The following CACNG7 variants were observed in gnomAD, a reference collection of about 807,000 sequenced individuals.
CACNG7 encodes calcium voltage-gated channel auxiliary subunit gamma 7, also known as voltage-dependent calcium channel gamma-7 subunit.
CACNG7 carries 9 observed loss-of-function variants against 26.3 expected under a neutral mutation model. The observed-to-expected ratio is 0.34, with a 90% confidence interval of 0.21 to 0.60. The LOEUF (loss-of-function observed/expected upper bound fraction) is 0.60. Ranked by LOEUF, CACNG7 falls within the 20% of genes least tolerant of loss-of-function variation. CACNG7 has a pLI of 0.81. For missense variants in CACNG7, 297 were observed against 380.4 expected, an observed-to-expected ratio of 0.78 and a Z score of 1.82; for synonymous variants, 170 against 157.0, an observed-to-expected ratio of 1.08 and a Z score of -0.62.
intron 4 of CACNG7, among the ~76,000 whole-genome samples, chr19:53,919,258 T>C (rs2068919023): frequency 6.6e-6 from 1 of 152,186 alleles, no homozygotes. Flanking sequence ...TAGCCTGGGG[T>C]GACTGCCTCC....
Position 53,943,315 on chromosome 19 carries a change from C to G in CACNG7, c.*1022C>G, listed in dbSNP as rs542392743. On this transcript the variant is annotated 3_prime_UTR_variant, in exon 6 of 6. Transcript: ENST00000391767. ...CTGGCTCTCCTCCTCATTGACGTCC[C>G]TCTTCCCCCCTCAGAACCCCAACTC... is the stretch of plus-strand genomic sequence containing the variant. 1.3e-5 allele frequency: 2 copies of G among 152,288 alleles called. No individual in the cohort carries two copies. Among genetic ancestry groups the G allele is most frequent in the African/African-American group, 4.8e-5 (2 of 41,522 alleles). 9.4% of individuals were successfully genotyped at this position (152,288 alleles called of 1,614,324 possible).
chr19:53,941,494 T>C lies in CACNG7; in HGVS notation c.449T>C (p.Val150Ala), dbSNP rs776738193. The C allele has an allele frequency of 1.9e-6, 3 of 1,586,644 alleles. No homozygotes were observed. In the African/African-American group the frequency reaches 4.1e-5, roughly 22 times the overall value. The change falls in exon 5 of 6, where the codon GTT becomes GCT. Residue 150 changes from valine to alanine, a missense_variant. Physicochemically the swap from Val to Ala is moderately conservative, Grantham distance 64 (BLOSUM62 0). Transcript: ENST00000391767. ...LSGLSLVVGLVLYISSINDEV... is the reference protein window; with the variant it reads ...LSGLSLVVGLALYISSINDEV... ...GGCCTCTCCTTGGTGGTGGGCTTGG[T>C]TCTTTACATCTCCAGCATCAACGAC...
chr19:53,917,934 T>C (rs2068909077), intron 4 of CACNG7, among the ~76,000 whole-genome samples: 1 of 152,166 alleles, frequency 6.6e-6, no homozygotes, highest in African/African-American at 2.4e-5. Flanking sequence ...CTGCCCAAGG[T>C]CATGCTGAGG....
intron 4 of CACNG7, among the ~76,000 whole-genome samples, chr19:53,921,990 GC>G (rs1471049862): frequency 1.1e-4 from 10 of 87,394 alleles, no homozygotes; most frequent in Non-Finnish European, 1.3e-4. Context: ...GTTGCCCCAG[GC>G]CTGGTCATTG....
chr19:53,933,297 ATTTTTTTTT>A lies in CACNG7; in HGVS notation c.425-8160_425-8152del, dbSNP rs1009491295. Among the ~76,000 whole-genome samples the A allele has an allele frequency of 4.0e-5, 5 of 126,058 alleles. No homozygotes were observed. The East Asian group carries it at 9.1e-4, about 23-fold the overall frequency. The allele number at this position is 126,058 out of a possible 152,430, so 82.7% of individuals were successfully genotyped here. A position where few individuals can be genotyped will look rare whatever the true frequency, so the allele number is the denominator to read the frequency against. On this transcript the variant is annotated intron_variant, in intron 4 of 5. Coordinates refer to ENST00000391767, the MANE Select transcript of CACNG7 (RefSeq NM_031896.5). Reference sequence around the variant, plus strand: ...AGGTGCCCGCCACCACGCCTGGCCAATTTTTTTTTTTTTTTTTTTTTGAGATGGACTCTC... The same window carrying A: ...AGGTGCCCGCCACCACGCCTGGCCAATTTTTTTTTTTTGAGATGGACTCTC...
At position 53,921,882 on chromosome 19, in the gene CACNG7, G is replaced by GT. The variant is rs1191343917; in HGVS notation, c.424+6377_424+6378insT. Among the ~76,000 whole-genome samples, 7 of 98,586 alleles carry GT rather than the reference G, an allele frequency of 7.1e-5. 1 individual carries two copies. Among genetic ancestry groups the GT allele is most frequent in the Non-Finnish European group, 1.3e-4 (7 of 52,940 alleles). 64.7% of individuals were successfully genotyped at this position (98,586 alleles called of 152,430 possible). A position where few individuals can be genotyped will look rare whatever the true frequency, so the allele number is the denominator to read the frequency against. ...CTGGTCATTGGTGGAGTTGTCCCAG[G>GT]CTGGTCATTGGTGGAGTTGTCCCCA... On this transcript the variant is annotated intron_variant, in intron 4 of 5. Coordinates refer to ENST00000391767, the MANE Select transcript of CACNG7 (RefSeq NM_031896.5).
Position 53,943,743 on chromosome 19 carries a change from T to C in CACNG7, c.*1450T>C, listed in dbSNP as rs913929504. 1.3e-5 allele frequency: 2 copies of C among 151,896 alleles called. No individual in the cohort carries two copies. The highest frequency in any genetic ancestry group is 4.8e-5 in the African/African-American group (2 of 41,354). The allele number at this position is 151,896 out of a possible 1,614,324, so 9.4% of individuals were successfully genotyped here. On this transcript the variant is annotated 3_prime_UTR_variant, in exon 6 of 6. Coordinates refer to ENST00000391767, the MANE Select transcript of CACNG7 (RefSeq NM_031896.5). ...TCTCCGCCTGCCCGGAGGGAAGGGATTGGATAGAGGGGGCTTAGTCTGGGT... is the reference window on the plus strand; with the variant it reads ...TCTCCGCCTGCCCGGAGGGAAGGGACTGGATAGAGGGGGCTTAGTCTGGGT...
chr19:53,911,690 C>G (rs567139091), intron 1 of CACNG7, among the ~76,000 whole-genome samples: 1 of 152,300 alleles, frequency 6.6e-6, no homozygotes, highest in East Asian at 1.9e-4. Context: ...GGTGATGGTG[C>G]CCGTTTCCGA....
At chr19:53,937,542 A>C (rs2069112220) in intron 4 of CACNG7, among the ~76,000 whole-genome samples, 1 of 151,342 alleles carries the variant, frequency 6.6e-6, no homozygotes, top group Non-Finnish European at 1.5e-5. Context: ...TTTTTTCAAC[A>C]GGGAGATCAT....
At chr19:53,931,328 T>C (rs1163127347) in intron 4 of CACNG7, among the ~76,000 whole-genome samples, 1 of 152,070 alleles carries the variant, frequency 6.6e-6, no homozygotes, top group Non-Finnish European at 1.5e-5. Flanking sequence ...TTCAAGAATG[T>C]CTTTTATAAC....
At chr19:53,934,337 G>C (rs952870428) in intron 4 of CACNG7, among the ~76,000 whole-genome samples, 1 of 152,228 alleles carries the variant, frequency 6.6e-6, no homozygotes, top group Non-Finnish European at 1.5e-5. Context: ...AAAGTCAGAG[G>C]TGCCGCTGCA....
chr19:53,933,297 AT>A (rs1009491295), intron 4 of CACNG7, among the ~76,000 whole-genome samples: 1,873 of 126,052 alleles, frequency 0.015, 12 homozygotes, highest in Non-Finnish European at 0.024. Context: ...CGCCTGGCCA[AT>A]TTTTTTTTTT....
At chr19:53,926,013 C>G (rs2145911713) in intron 4 of CACNG7, among the ~76,000 whole-genome samples, 1 of 152,258 alleles carries the variant, frequency 6.6e-6, no homozygotes, top group East Asian at 1.9e-4. Context: ...TAAACATGAT[C>G]TGTGGATATG....
intron 4 of CACNG7, among the ~76,000 whole-genome samples, chr19:53,919,105 C>A (rs1467999195): frequency 6.6e-6 from 1 of 152,126 alleles, no homozygotes; most frequent in African/African-American, 2.4e-5. Context: ...CCCCTTCTGG[C>A]CAAATTTCAA....
At chr19:53,918,707 A>T (rs144842350) in intron 4 of CACNG7, among the ~76,000 whole-genome samples, 60 of 152,320 alleles carry the variant, frequency 3.9e-4, no homozygotes, top group African/African-American at 1.3e-3. Context: ...GGTGCTGGTG[A>T]TAGTAGCAGT....
At chr19:53,929,155 A>T in intron 4 of CACNG7, among the ~76,000 whole-genome samples, 1 of 148,784 alleles carries the variant, frequency 6.7e-6, no homozygotes, top group Non-Finnish European at 1.5e-5. Context: ...ATAAGGCCTG[A>T]GCTGGGGCAA....
rs762782484 is a variant in CACNG7, at chr19:53,915,420, G to T, written c.339G>T (p.Thr113=). The change falls in exon 4 of 6, where the codon ACG becomes ACT. Residue 113 remains threonine (T), a synonymous_variant. Transcript: ENST00000391767. ...FPMVSLFLVF[T]AFVISNIGHI... is the part of the protein sequence containing the mutation. ...TGGTCAGCCTCTTCCTCGTGTTCACGGCCTTCGTCATCAGCAACATCGGCC... is the reference window on the plus strand; with the variant it reads ...TGGTCAGCCTCTTCCTCGTGTTCACTGCCTTCGTCATCAGCAACATCGGCC... The T allele has an allele frequency of 6.2e-7, 1 of 1,613,890 alleles. No individual in the cohort carries two copies.
At chr19:53,910,288 C>G (rs2068854183) in intron 1 of CACNG7, among the ~76,000 whole-genome samples, 2 of 148,770 alleles carry the variant, frequency 1.3e-5, no homozygotes, top group African/African-American at 5.0e-5. Flanking sequence ...ACCCCTGAGC[C>G]GCCAGGCGGG....
intron 1 of CACNG7, among the ~76,000 whole-genome samples, chr19:53,911,324 C>T (rs1488842374): frequency 6.6e-6 from 1 of 152,084 alleles, no homozygotes. Flanking sequence ...CCTCAGCCTC[C>T]CAAAGTGCTG....
Sources: allele counts gnomAD v4.1 joint callset (sites outside exome capture counted in the v4.1 genomes callset), GRCh38; gene constraint gnomAD v4.1.1; transcripts MANE v1.5; gene names NCBI Gene and HGNC (gene_info 2026-07-23, HGNC 2026-07-21).